The following BANK1 variants were observed in gnomAD, a reference collection of about 807,000 sequenced individuals.
BANK1 encodes B-cell scaffold protein with ankyrin repeats.
Under a neutral mutation model 94.5 loss-of-function variants are expected in BANK1, and 95 were observed. That is an observed-to-expected ratio of 1.00 (90% CI 0.85 to 1.19). The LOEUF (loss-of-function observed/expected upper bound fraction) is 1.19, where lower values mean the gene tolerates loss of function less well. BANK1 is among the 50% of genes most tolerant of loss of function. The pLI is 0.00. For synonymous variants in BANK1, 334 were observed against 308.4 expected (o/e 1.08, Z -0.87); for missense variants, 987 against 932.2 (o/e 1.06, Z -0.77).
At chr4:101,852,436 C>T (rs1727513353) in intron 2 of BANK1, among the ~76,000 whole-genome samples, 1 of 143,038 alleles carries the variant, frequency 7.0e-6, no homozygotes, top group Non-Finnish European at 1.5e-5. Context: ...ACACATGACC[C>T]ACAAGCCAGA....
intron 6 of BANK1, among the ~76,000 whole-genome samples, chr4:101,907,104 G>C (rs916292973): frequency 8.5e-5 from 13 of 152,220 alleles, no homozygotes; most frequent in South Asian, 8.3e-4. Context: ...TAAAGGAATA[G>C]GTTGGGCTAG....
At chr4:101,812,828 C>G (rs1000070862) in intron 1 of BANK1, among the ~76,000 whole-genome samples, 4 of 151,994 alleles carry the variant, frequency 2.6e-5, no homozygotes, top group Non-Finnish European at 5.9e-5. Flanking sequence ...GGTATTCAAT[C>G]TTGTACAAAA....
intron 11 of BANK1, among the ~76,000 whole-genome samples, chr4:102,054,182 T>C (rs538142764): frequency 1.4e-3 from 216 of 152,200 alleles, no homozygotes; most frequent in African/African-American, 4.9e-3. Flanking sequence ...GGATTGATTA[T>C]TTGTAACCAA....
At chr4:101,879,683 A>G (rs1225985875) in intron 5 of BANK1, among the ~76,000 whole-genome samples, 1 of 152,132 alleles carries the variant, frequency 6.6e-6, no homozygotes, top group Non-Finnish European at 1.5e-5. Context: ...TTGATGCAAA[A>G]ATCCTCAACA....
intron 1 of BANK1, among the ~76,000 whole-genome samples, chr4:101,818,410 C>A (rs1726005586): frequency 2.6e-5 from 4 of 152,068 alleles, no homozygotes; most frequent in Admixed American, 2.6e-4. Context: ...TTTTACAAGA[C>A]CCTTTGGCTT....
intron 3 of BANK1, among the ~76,000 whole-genome samples, chr4:101,858,839 T>C (rs1434704349): frequency 2.6e-5 from 4 of 152,194 alleles, no homozygotes; most frequent in African/African-American, 9.6e-5. Flanking sequence ...TATTCCCTAA[T>C]AAAGGTCTTT....
chr4:102,021,643 CAT>C, intron 8 of BANK1, 51 bp downstream of exon 8: 1 of 713,238 alleles, frequency 1.4e-6, no homozygotes, highest in South Asian at 3.8e-5. Flanking sequence ...ATATATATCA[CAT>C]ATATATGTGA....
chr4:101,974,992 G>A (rs528193024), intron 7 of BANK1, among the ~76,000 whole-genome samples: 1 of 152,108 alleles, frequency 6.6e-6, no homozygotes, highest in African/African-American at 2.4e-5. Flanking sequence ...TTTAGGTGCA[G>A]TGTGCTCATT....
chr4:101,862,347 T>TA (rs1349596458), intron 3 of BANK1, among the ~76,000 whole-genome samples, 179 bp from the exon 4 acceptor site: 1 of 152,118 alleles, frequency 6.6e-6, no homozygotes. Context: ...TGATACTATT[T>TA]AAAATGTAGT....
intron 6 of BANK1, among the ~76,000 whole-genome samples, chr4:101,898,007 A>G (rs1161885957): frequency 6.6e-6 from 1 of 151,934 alleles, no homozygotes; most frequent in African/African-American, 2.4e-5. Context: ...GCTAAAAATG[A>G]AAAGTTTACT....
chr4:102,001,638 A>C (rs1335413320), intron 7 of BANK1, among the ~76,000 whole-genome samples: 1 of 152,210 alleles, frequency 6.6e-6, no homozygotes, highest in Non-Finnish European at 1.5e-5. Flanking sequence ...CAATGAAAAA[A>C]ATTAAAAATC....
At chr4:101,826,095 A>C (rs1726354984) in intron 1 of BANK1, among the ~76,000 whole-genome samples, 1 of 152,078 alleles carries the variant, frequency 6.6e-6, no homozygotes, top group Non-Finnish European at 1.5e-5. Flanking sequence ...AATTCTTCAT[A>C]GATTACTCTA....
rs1415550444 is a variant in BANK1, at chr4:101,795,003, A to G, written c.70+4053A>G. On this transcript the variant is annotated intron_variant, in intron 1 of 16. Transcript: ENST00000322953. ...TTCACATGTGTTCTACATTATAGAG[A>G]CACACTGAAAAGTATAAGAACAGTC... Among the ~76,000 whole-genome samples, 4 of 152,136 alleles carry G rather than the reference A, an allele frequency of 2.6e-5. No individual in the cohort carries two copies. The South Asian group carries it at 6.2e-4, about 24-fold the overall frequency.
chr4:101,878,712 A>G (rs962654334), intron 5 of BANK1, among the ~76,000 whole-genome samples: 3 of 152,180 alleles, frequency 2.0e-5, no homozygotes, highest in Non-Finnish European at 4.4e-5. Flanking sequence ...GTCACAAAAC[A>G]AGTTTTAGAG....
At chr4:101,904,015 T>C (rs1722365108) in intron 6 of BANK1, among the ~76,000 whole-genome samples, 1 of 152,218 alleles carries the variant, frequency 6.6e-6, no homozygotes, top group African/African-American at 2.4e-5. Flanking sequence ...TATGAGTAGG[T>C]TCAATTGCTT....
intron 13 of BANK1, 126 bp from the exon 14 acceptor site, chr4:102,071,149 C>G (rs1456540498): frequency 9.4e-7 from 1 of 1,068,856 alleles, no homozygotes; most frequent in Admixed American, 2.0e-5. Flanking sequence ...ATTTTTAGAT[C>G]AGAATGTGAG....
At position 101,882,215 on chromosome 4, in the gene BANK1, A is replaced by C. The variant is rs990272130; in HGVS notation, c.903+11571A>C. 3.9e-5 allele frequency among the ~76,000 whole-genome samples: 6 copies of C among 152,302 alleles called. No homozygotes were observed. In the East Asian group the frequency reaches 1.2e-3, roughly 29 times the overall value. On this transcript the variant is annotated intron_variant, in intron 5 of 16. Coordinates refer to ENST00000322953, the MANE Select transcript of BANK1 (RefSeq NM_017935.5). ...ATATATATACCTAATATGTACCCAC[A>C]GAAATCAAAATTTAAAATTTAAAAA... is the stretch of plus-strand genomic sequence containing the variant.
chr4:102,053,904 G>C (rs1252520710), intron 11 of BANK1, among the ~76,000 whole-genome samples: 1 of 151,482 alleles, frequency 6.6e-6, no homozygotes, highest in African/African-American at 2.4e-5. Flanking sequence ...TAAAAAATCT[G>C]AAATTTTAAA....
intron 1 of BANK1, among the ~76,000 whole-genome samples, chr4:101,823,085 C>A (rs533220029): frequency 3.9e-4 from 57 of 147,944 alleles, no homozygotes; most frequent in African/African-American, 1.4e-3. Flanking sequence ...TTTAATTAGA[C>A]CCTATTTGTC....
Sources: gnomAD v4.1 joint callset for allele counts (sites outside exome capture counted in the v4.1 genomes callset) on GRCh38, gnomAD v4.1.1 for gene constraint, MANE v1.5 for transcripts, NCBI Gene and HGNC (gene_info 2026-07-23, HGNC 2026-07-21) for gene names.